Variants in NALF1 observed in about 807,000 individuals in gnomAD.
The protein encoded by NALF1 is family with sequence similarity 155 member A.
NALF1 carries 3 observed loss-of-function variants against 48.4 expected under a neutral mutation model. That is an observed-to-expected ratio of 0.06 (90% confidence interval 0.03 to 0.16). The LOEUF (loss-of-function observed/expected upper bound fraction) is 0.16. Among genes scored for constraint, NALF1 ranks in the 10% least tolerant of loss-of-function variants. The pLI, the probability that NALF1 is intolerant of heterozygous loss-of-function variation, is 1.00. For synonymous variants in NALF1, 262 were observed against 245.7 expected (o/e 1.07, Z -0.62); for missense variants, 526 against 571.5 (o/e 0.92, Z 0.81).
intron 1 of NALF1, among the ~76,000 whole-genome samples, chr13:107,425,103 C>T (rs955642225): frequency 1.3e-5 from 2 of 152,190 alleles, no homozygotes; most frequent in African/African-American, 2.4e-5. Flanking sequence ...CTACTTACAA[C>T]ATTACGAAAG....
rs1370080749 is a variant in NALF1 at position 107,606,270 on chromosome 13, A to ATC, written c.915+259411_915+259412insGA. On this transcript the variant is annotated intron_variant, in intron 1 of 2. Coordinates refer to ENST00000375915, the MANE Select transcript of NALF1 (RefSeq NM_001080396.3). ...AATGTTGTGTTCCTTAACATCTCAT[A>ATC]TATATATATATGTGTGTGTTTGTGT... is the stretch of plus-strand genomic sequence containing the variant. Among the ~76,000 whole-genome samples the ATC allele has an allele frequency of 4.2e-3, 40 of 9,596 alleles. No homozygotes were observed. In the Admixed American group the frequency reaches 0.067, roughly 16 times the overall value. 6.3% of individuals were successfully genotyped at this position (9,596 alleles called of 152,430 possible).
chr13:107,471,985 C>T (rs1429987872), intron 1 of NALF1, among the ~76,000 whole-genome samples: 3 of 152,172 alleles, frequency 2.0e-5, no homozygotes, highest in Non-Finnish European at 4.4e-5. Flanking sequence ...ACCAACAGTA[C>T]TTTTTCTGTG....
intron 1 of NALF1, among the ~76,000 whole-genome samples, chr13:107,380,870 C>T (rs1390997811): frequency 3.4e-5 from 5 of 148,576 alleles, no homozygotes; most frequent in Admixed American, 1.4e-4. Context: ...ACCAGCTACT[C>T]GGGAGGCTGA....
intron 1 of NALF1, among the ~76,000 whole-genome samples, chr13:107,494,701 T>TA (rs1167080449): frequency 3.9e-5 from 6 of 152,278 alleles, no homozygotes; most frequent in Non-Finnish European, 2.9e-5. Flanking sequence ...TCTGACATTA[T>TA]AAATAGCATG....
intron 1 of NALF1, among the ~76,000 whole-genome samples, chr13:107,566,861 G>A (rs1339759960): frequency 6.6e-6 from 1 of 152,200 alleles, no homozygotes; most frequent in Non-Finnish European, 1.5e-5. Flanking sequence ...GCAGTGCCCT[G>A]AGCGGCTTCT....
chr13:107,452,799 A>G (rs1039984607), intron 1 of NALF1, among the ~76,000 whole-genome samples: 1 of 152,232 alleles, frequency 6.6e-6, no homozygotes, highest in Admixed American at 6.5e-5. Flanking sequence ...CTGTAAAATT[A>G]AAAGCAAGTT....
At chr13:107,256,383 C>CA (rs1387916820) in intron 1 of NALF1, among the ~76,000 whole-genome samples, 3 of 151,870 alleles carry the variant, frequency 2.0e-5, no homozygotes, top group Non-Finnish European at 4.4e-5. Context: ...CAGAAACTGG[C>CA]AAAAAAATAT....
rs900333605 is a variant in NALF1 at position 107,316,359 on chromosome 13, A to C, written c.916-105604T>G. ...TGTGAATAGTGCCGCAATAAACATA[A>C]GTGTGCATGTGTCTTTATAGCAGCA... On this transcript the variant is annotated intron_variant, in intron 1 of 2. Coordinates refer to ENST00000375915, the MANE Select transcript of NALF1 (RefSeq NM_001080396.3). 1.5e-3 allele frequency among the ~76,000 whole-genome samples: 222 copies of C among 151,434 alleles called. 1 individual carries two copies. Among genetic ancestry groups the C allele is most frequent in the Non-Finnish European group, 1.4e-3 (95 of 67,742 alleles).
rs1413382529 is a variant in NALF1, at chr13:107,305,488, A to G, written c.916-94733T>C. Among the ~76,000 whole-genome samples the G allele has an allele frequency of 2.0e-5, 3 of 152,232 alleles. No homozygotes were observed. In the East Asian group the frequency reaches 5.8e-4, roughly 29 times the overall value. On this transcript the variant is annotated intron_variant, in intron 1 of 2. Transcript: ENST00000375915. ...TACTCATATTAAGTTAAAAAATCTCAAAGTCTTTAAACTTATCTTCTGCTT... is the reference window on the plus strand; with the variant it reads ...TACTCATATTAAGTTAAAAAATCTCGAAGTCTTTAAACTTATCTTCTGCTT...
intron 1 of NALF1, among the ~76,000 whole-genome samples, chr13:107,687,379 C>T (rs1051297127): frequency 4.0e-5 from 6 of 151,428 alleles, no homozygotes; most frequent in South Asian, 2.1e-4. Context: ...ATTTGGGTGA[C>T]GAGTTCAACT....
chr13:107,560,768 A>C (rs1243644142), intron 1 of NALF1, among the ~76,000 whole-genome samples: 2 of 152,154 alleles, frequency 1.3e-5, no homozygotes, highest in East Asian at 3.9e-4. Context: ...TTATATTTTA[A>C]CATCTTTATA....
chr13:107,613,463 T>C (rs577371918), intron 1 of NALF1, among the ~76,000 whole-genome samples: 22 of 152,302 alleles, frequency 1.4e-4, no homozygotes, highest in Admixed American at 7.2e-4. Context: ...TCATTTTTCC[T>C]CCAAAGTCAA....
intron 1 of NALF1, among the ~76,000 whole-genome samples, chr13:107,595,687 C>T (rs147213030): frequency 1.3e-5 from 2 of 152,222 alleles, no homozygotes; most frequent in East Asian, 3.9e-4. Context: ...TAAACATGCC[C>T]TGCCTAATAT....
chr13:107,324,755 A>G (rs538633126), intron 1 of NALF1, among the ~76,000 whole-genome samples: 3 of 152,328 alleles, frequency 2.0e-5, no homozygotes, highest in South Asian at 2.1e-4. Context: ...TAACTTTTCA[A>G]TAGTTTTTAT....
At position 107,570,632 on chromosome 13, in the gene NALF1, GGTTA is replaced by G. The variant is rs1398659458; in HGVS notation, c.915+295046_915+295049del. ...TTAGGGTACATGTGCATAATGTGCA[GGTTA>G]GTTACATATGTATACATGTGCCATG... On this transcript the variant is annotated intron_variant, in intron 1 of 2. Transcript: ENST00000375915. Among the ~76,000 whole-genome samples the G allele has an allele frequency of 7.3e-5, 11 of 150,442 alleles. No homozygotes were observed. The East Asian group carries it at 1.9e-3, about 27-fold the overall frequency.
intron 1 of NALF1, among the ~76,000 whole-genome samples, chr13:107,418,043 C>G (rs559949159): frequency 9.5e-4 from 145 of 152,236 alleles, no homozygotes; most frequent in Non-Finnish European, 1.6e-3. Flanking sequence ...GCTGGGGTGA[C>G]AGAGCAAGAC....
At chr13:107,799,973 T>C (rs767422552) in intron 1 of NALF1, among the ~76,000 whole-genome samples, 19 of 151,658 alleles carry the variant, frequency 1.3e-4, no homozygotes, top group East Asian at 1.9e-4. Context: ...GAAAAAAATA[T>C]TGAGAGAGGA....
chr13:107,634,914 G>C (rs1449151188), intron 1 of NALF1, among the ~76,000 whole-genome samples: 1 of 152,136 alleles, frequency 6.6e-6, no homozygotes, highest in African/African-American at 2.4e-5. Context: ...TTTTAGGAAA[G>C]TGCTAGGAAT....
At chr13:107,555,336 G>A (rs1877429631) in intron 1 of NALF1, among the ~76,000 whole-genome samples, 1 of 151,426 alleles carries the variant, frequency 6.6e-6, no homozygotes, top group South Asian at 2.1e-4. Context: ...GCAATGGTGG[G>A]GTCTCAGCTC....
Sources: allele counts gnomAD v4.1 joint callset (sites outside exome capture counted in the v4.1 genomes callset), GRCh38; gene constraint gnomAD v4.1.1; transcripts MANE v1.5; gene names NCBI Gene and HGNC (gene_info 2026-07-23, HGNC 2026-07-21).